The following STARD3 variants were observed in gnomAD, a reference collection of about 807,000 sequenced individuals.
STARD3 encodes the protein StAR related lipid transfer domain containing 3, also known as stAR-related lipid transfer protein 3.
STARD3 carries 39 observed loss-of-function variants against 62.0 expected under a neutral mutation model. The observed-to-expected ratio is 0.63, with a 90% CI of 0.49 to 0.82. The LOEUF (loss-of-function observed/expected upper bound fraction) is 0.82, where lower values mean the gene tolerates loss of function less well. Among genes scored for constraint, STARD3 ranks in the 40% least tolerant of loss-of-function variants. STARD3 has a pLI of 0.00. For missense variants in STARD3, 543 were observed against 584.5 expected, an observed-to-expected ratio of 0.93 and a Z score of 0.73; for synonymous variants, 229 against 242.4, an observed-to-expected ratio of 0.94 and a Z score of 0.51.
At chr17:39,661,402 T>C (rs1204762799) in intron 13 of STARD3, 1 of 389,132 alleles carries the variant, frequency 2.6e-6, no homozygotes, top group Non-Finnish European at 4.8e-6. Context: ...CACTCTGGGC[T>C]GATTGACCTG....
At position 39,658,008 on chromosome 17, in the gene STARD3, C is replaced by G; in HGVS notation, c.411C>G (p.Val137=). The G allele has an allele frequency of 1.9e-6, 3 of 1,563,612 alleles. No homozygotes were observed. The highest frequency in any genetic ancestry group is 1.9e-5 in the Admixed American group (1 of 52,864). ...TGGTGTCCAGTGCATTCCTCATTGT[C>G]AAGGTCATCCTCTCTGAGGTCAGTG... The part of the protein sequence containing the change: ...TTLVSSAFLI[V]KVILSELLSK... Residue 137 remains valine, a synonymous_variant, in exon 5 of 15, where the codon GTC becomes GTG. Coordinates refer to ENST00000336308, the MANE Select transcript of STARD3 (RefSeq NM_006804.4).
chr17:39,642,103 A>C (rs2056987261), intron 1 of STARD3, among the ~76,000 whole-genome samples: 1 of 152,262 alleles, frequency 6.6e-6, no homozygotes, highest in Non-Finnish European at 1.5e-5. Context: ...AGAATGAGGA[A>C]ACAGGGCGCC....
At chr17:39,638,010 T>A (rs1248284230) in intron 1 of STARD3, among the ~76,000 whole-genome samples, 1 of 152,226 alleles carries the variant, frequency 6.6e-6, no homozygotes, top group Admixed American at 6.5e-5. Context: ...CTGCTTCACA[T>A]GGAGCTCACT....
At position 39,662,793 on chromosome 17, in the gene STARD3, C is replaced by T. The variant is rs1331604902; in HGVS notation, c.1234-11C>T. The T allele has an allele frequency of 1.2e-6, 2 of 1,602,512 alleles. No homozygotes were observed. Among genetic ancestry groups the T allele is most frequent in the African/African-American group, 1.3e-5 (1 of 74,498 alleles). On this transcript the variant is annotated splice_polypyrimidine_tract_variant and intron_variant, in intron 14 of 14. Coordinates refer to ENST00000336308, the MANE Select transcript of STARD3 (RefSeq NM_006804.4). ...GGCCATCAAGTGTGACTTCTGCCTG[C>T]CTTCCCCCAGGGCCGCCTGCCCCGG...
chr17:39,662,587 C>T, intron 14 of STARD3: 1 of 629,624 alleles, frequency 1.6e-6, no homozygotes. Context: ...TGGCTGGTGG[C>T]CAGCCCGGCC....
In STARD3 at chr17:39,658,485, C is replaced by T. The variant is rs189046464; in HGVS notation, c.510C>T (p.Asp170=). ...CCTGGTTGGAGACCTGGTTCCTTGA[C>T]TTCAAAGTCCTACCCCAGGAAGCTG... ...VLAWLETWFL[D]FKVLPQEAEE... Residue 170 remains aspartate (D), a synonymous_variant, in exon 6 of 15, where the codon GAC becomes GAT. Coordinates refer to ENST00000336308, the MANE Select transcript of STARD3 (RefSeq NM_006804.4). 1.5e-5 allele frequency: 25 copies of T among 1,614,120 alleles called. No individual in the cohort carries two copies. In the East Asian group the frequency reaches 5.3e-4, roughly 35 times the overall value.
chr17:39,656,886 T>C lies in STARD3; in HGVS notation c.220-122T>C, dbSNP rs1162964368. 6.6e-6 allele frequency: 6 copies of C among 911,772 alleles called. No homozygotes were observed. In the African/African-American group the frequency reaches 1.0e-4, roughly 15 times the overall value. 56.5% of individuals were successfully genotyped at this position (911,772 alleles called of 1,614,324 possible). ...TTCCAGGGCCCCCTGGGTGGTGGCT[T>C]AGCATCAACAGCCTCCCCTCCAGGT... On this transcript the variant is annotated intron_variant, in intron 2 of 14. Transcript: ENST00000336308.
chr17:39,656,617 G>T (rs551798556), intron 2 of STARD3, among the ~76,000 whole-genome samples: 2 of 152,260 alleles, frequency 1.3e-5, no homozygotes, highest in Admixed American at 6.5e-5. Flanking sequence ...GATTATGGCT[G>T]GGAAGATGGA....
At chr17:39,657,526 CAA>C (rs779901849) in intron 3 of STARD3, among the ~76,000 whole-genome samples, 7 of 96,748 alleles carry the variant, frequency 7.2e-5, no homozygotes, top group Non-Finnish European at 8.8e-5. Flanking sequence ...GACTCTGTCT[CAA>C]AAAAAAAAAA....
intron 2 of STARD3, among the ~76,000 whole-genome samples, chr17:39,654,081 G>C (rs1262506368): frequency 6.6e-6 from 1 of 152,204 alleles, no homozygotes; most frequent in Non-Finnish European, 1.5e-5. Flanking sequence ...GGGAGACCCA[G>C]CTCTGGCAGA....
rs766086651 is a variant in STARD3 at position 39,662,985 on chromosome 17, C to T, written c.*77C>T. ...AGCCAGAAAGGGTGCCAGTTGGGCT[C>T]GCACTGCCCACATGGGACCTGGCCC... On this transcript the variant is annotated 3_prime_UTR_variant, in exon 15 of 15. Coordinates refer to ENST00000336308, the MANE Select transcript of STARD3 (RefSeq NM_006804.4). 1.7e-5 allele frequency: 24 copies of T among 1,412,984 alleles called. No individual in the cohort carries two copies. Among genetic ancestry groups the T allele is most frequent in the Middle Eastern group, 1.8e-4 (1 of 5,508 alleles). 87.5% of individuals were successfully genotyped at this position (1,412,984 alleles called of 1,614,324 possible).
At chr17:39,657,593 T>G (rs2057143649) in intron 3 of STARD3, among the ~76,000 whole-genome samples, 182 bp from the exon 4 acceptor site, 1 of 151,486 alleles carries the variant, frequency 6.6e-6, no homozygotes, top group Non-Finnish European at 1.5e-5. Flanking sequence ...AGAGGGAAGA[T>G]AAGACCCCTG....
rs45450597 is a variant in STARD3 at position 39,664,002 on chromosome 17, G to C, written c.*1094G>C. 6.6e-6 allele frequency among the ~76,000 whole-genome samples: 1 copy of C among 152,128 alleles called. No homozygotes were observed. Among genetic ancestry groups the C allele is most frequent in the East Asian group, 1.9e-4 (1 of 5,184 alleles). On this transcript the variant is annotated 3_prime_UTR_variant, in exon 15 of 15. Transcript: ENST00000336308. ...ACTGCCTGCCTTCCTCCTCCCTCCC[G>C]GCTGGCCTGCCCCCTTGCCTGCCTG...
intron 2 of STARD3, among the ~76,000 whole-genome samples, chr17:39,654,490 C>T (rs1201697922): frequency 1.3e-5 from 2 of 152,232 alleles, no homozygotes; most frequent in Non-Finnish European, 2.9e-5. Context: ...GAGATGCTGC[C>T]GGGCAGCCTG....
In STARD3 at chr17:39,660,235, A is replaced by G. The variant is rs2057180204; in HGVS notation, c.820A>G (p.Ile274Val). 6.2e-7 allele frequency: 1 copy of G among 1,613,896 alleles called. No homozygotes were observed. Among genetic ancestry groups the G allele is most frequent in the Non-Finnish European group, 8.5e-7 (1 of 1,179,976 alleles). Reference sequence around the variant, plus strand: ...GGAATATGGGGACACCGTGTACACCATTGAAGTTCCCTTTCACGGCAAGAC... The same window carrying G: ...GGAATATGGGGACACCGTGTACACCGTTGAAGTTCCCTTTCACGGCAAGAC... Reference protein sequence around the residue: ...NNEYGDTVYTIEVPFHGKTFI... With the variant: ...NNEYGDTVYTVEVPFHGKTFI... Residue 274 changes from isoleucine to valine, a missense_variant, in exon 10 of 15, where the codon ATT becomes GTT. Transcript: ENST00000336308. This position sits in a 1 kb window ranked among gnomAD's most constrained non-coding sequence, Gnocchi z 4.8.
chr17:39,661,100 G>A lies in STARD3; in HGVS notation c.1139+15G>A. On this transcript the variant is annotated intron_variant, in intron 13 of 14. Transcript: ENST00000336308. ...AAATATGTCCGGTGAGCCTCACTTTGCCTGGGGTCACCCCTGCCAGCCCCT... is the reference window on the plus strand; with the variant it reads ...AAATATGTCCGGTGAGCCTCACTTTACCTGGGGTCACCCCTGCCAGCCCCT... 1.9e-6 allele frequency: 3 copies of A among 1,611,720 alleles called. No individual in the cohort carries two copies. The South Asian group carries it at 3.3e-5, about 18-fold the overall frequency.
chr17:39,644,952 G>C (rs1421145849), intron 1 of STARD3, among the ~76,000 whole-genome samples: 1 of 152,180 alleles, frequency 6.6e-6, no homozygotes, highest in Non-Finnish European at 1.5e-5. Flanking sequence ...CTGAAGAAAG[G>C]TGTCTGGAGC....
chr17:39,639,712 C>T (rs2056966422), intron 1 of STARD3, among the ~76,000 whole-genome samples: 1 of 152,248 alleles, frequency 6.6e-6, no homozygotes, highest in Admixed American at 6.5e-5. Flanking sequence ...CTGGGGGCAA[C>T]TATGCTCCGG....
intron 1 of STARD3, among the ~76,000 whole-genome samples, chr17:39,643,764 ACT>A (rs1272097380): frequency 2.6e-5 from 4 of 152,028 alleles, no homozygotes; most frequent in South Asian, 2.1e-4. Context: ...AGAGCTCAAG[ACT>A]CTCTCTTTCT....
Sources: gnomAD v4.1 joint callset for allele counts (sites outside exome capture counted in the v4.1 genomes callset) on GRCh38, gnomAD v4.1.1 for gene constraint, Gnocchi (gnomAD v3.1) non-coding constraint, MANE v1.5 for transcripts, NCBI Gene and HGNC (gene_info 2026-07-23, HGNC 2026-07-21) for gene names.